NCOR2: variants seen among roughly 807,000 people sequenced by gnomAD.
The protein encoded by NCOR2 is nuclear receptor corepressor 2, also known as CTG repeat protein 26.
NCOR2 carries 81 observed loss-of-function variants against 262.9 expected under a neutral mutation model. That is an observed-to-expected ratio of 0.31 (90% CI 0.26 to 0.37). The LOEUF (loss-of-function observed/expected upper bound fraction) is 0.37. NCOR2 is among the 10% of genes least tolerant of loss of function. NCOR2 has a pLI of 1.00. For missense variants in NCOR2, 3,385 were observed against 3,621.4 expected, an observed-to-expected ratio of 0.93 and a Z score of 1.68; for synonymous variants, 1,659 against 1,559.3, an observed-to-expected ratio of 1.06 and a Z score of -1.51.
At chr12:124,390,484 C>G (rs1365719844) in intron 16 of NCOR2, among the ~76,000 whole-genome samples, 1 of 151,740 alleles carries the variant, frequency 6.6e-6, no homozygotes, top group Non-Finnish European at 1.5e-5. Context: ...AGTGACCCCC[C>G]CCCGTCGCCC....
chr12:124,439,216 C>CA (rs774850408), intron 7 of NCOR2, among the ~76,000 whole-genome samples: 7,375 of 116,706 alleles, frequency 0.063, no homozygotes, highest in Admixed American at 0.086. Context: ...CAGAGGGAGA[C>CA]AGAGACCCAG....
intron 16 of NCOR2, among the ~76,000 whole-genome samples, chr12:124,396,273 C>T (rs1403611822): frequency 6.6e-6 from 1 of 152,172 alleles, no homozygotes; most frequent in Non-Finnish European, 1.5e-5. Flanking sequence ...GGGTTGCACA[C>T]CAATGCAGAT....
intron 22 of NCOR2, among the ~76,000 whole-genome samples, chr12:124,360,175 A>G (rs1472747398): frequency 6.6e-6 from 1 of 152,194 alleles, no homozygotes; most frequent in Non-Finnish European, 1.5e-5. Flanking sequence ...CCTGACATGG[A>G]TACACAGCTC....
upstream of NCOR2, chr12:124,538,492 T>G (rs571112026): frequency 6.5e-6 from 1 of 153,108 alleles, no homozygotes; most frequent in South Asian, 2.1e-4. Context: ...AGAGGAGGGC[T>G]GGAGGCAGCA....
In NCOR2 at chr12:124,523,371, C is replaced by A. The variant is rs946750906; in HGVS notation, c.-118+12194G>T. On this transcript the variant is annotated intron_variant, in intron 1 of 46. Coordinates refer to the NCOR2 transcript ENST00000404621. This position sits in a 1 kb window ranked among gnomAD's most constrained non-coding sequence, Gnocchi z 4.0. Reference sequence around the variant, plus strand: ...TCTGGGGCTCCTGGGAACCCACACCCCGGTGGCAGGGGCAGCGGCAGAGGA... The same window carrying A: ...TCTGGGGCTCCTGGGAACCCACACCACGGTGGCAGGGGCAGCGGCAGAGGA... Among the ~76,000 whole-genome samples, 4 of 152,248 alleles carry A rather than the reference C, an allele frequency of 2.6e-5. No homozygotes were observed. Among genetic ancestry groups the A allele is most frequent in the Admixed American group, 2.6e-4 (4 of 15,296 alleles).
chr12:124,429,341 C>T (rs1386617770), intron 10 of NCOR2: 3 of 490,970 alleles, frequency 6.1e-6, no homozygotes, highest in Non-Finnish European at 1.1e-5. Flanking sequence ...CAACCCCCTC[C>T]CTGTTGTGGC....
chr12:124,345,037 T>G, intron 31 of NCOR2, 86 bp from the exon 34 acceptor site: 2 of 1,271,728 alleles, frequency 1.6e-6, no homozygotes, highest in Non-Finnish European at 2.1e-6. Context: ...TCAAAAAGTT[T>G]GTCATCTATA....
At chr12:124,551,583 C>T (rs1263599703) in intron 1 of NCOR2, among the ~76,000 whole-genome samples, 1 of 152,236 alleles carries the variant, frequency 6.6e-6, no homozygotes, top group African/African-American at 2.4e-5. Context: ...GGCCTGGTCT[C>T]CCTCTCTCCT....
intron 16 of NCOR2, among the ~76,000 whole-genome samples, chr12:124,386,784 C>T (rs968527809): frequency 2.0e-5 from 3 of 152,390 alleles, no homozygotes; most frequent in Non-Finnish European, 4.4e-5. Context: ...GCCAAGCCCC[C>T]GGTCTCGGCC....
At chr12:124,438,822 GAGAGGGAGACAGAGACCCAGAGAC>G (rs1307233673) in intron 7 of NCOR2, among the ~76,000 whole-genome samples, 697 of 2,334 alleles carry the variant, frequency 0.3, 22 homozygotes, top group African/African-American at 0.41. Context: ...GAGACCCAGA[GAGAGGGAGACAGAGACCCAGAGAC>G]AGAGGGAGAC....
In NCOR2 at chr12:124,325,496, C is replaced by A. The variant is rs780928167; in HGVS notation, c.7451G>T (p.Gly2484Val). The A allele has an allele frequency of 2.2e-6, 3 of 1,360,212 alleles. No individual in the cohort carries two copies. In the South Asian group the frequency reaches 5.6e-5, roughly 26 times the overall value. The allele number at this position is 1,360,212 out of a possible 1,614,324, so 84.3% of individuals were successfully genotyped here. ...GTGGGGGCCAGCGAGGGGCCCGCTGCCCGCGGGGAGGCCCGGTGGGGGTGG... is the reference window on the plus strand; with the variant it reads ...GTGGGGGCCAGCGAGGGGCCCGCTGACCGCGGGGAGGCCCGGTGGGGGTGG... The change falls in exon 47 of 47, where the codon GGC becomes GTC. Residue 2484 changes from glycine to valine, a missense_variant. By Grantham distance (109) the Gly-to-Val change is moderately radical (BLOSUM62 -3). Around this residue, in one of 5 missense-constraint regions of NCOR2, gnomAD observed 1,017 missense variants for 967.2 expected, o/e 1.05. Transcript: ENST00000405201.
intron 1 of NCOR2, among the ~76,000 whole-genome samples, chr12:124,505,942 G>C (rs2049014616): frequency 6.6e-6 from 1 of 152,068 alleles, no homozygotes; most frequent in Non-Finnish European, 1.5e-5. Context: ...CCTGCTTCCA[G>C]GGGAAAATAG....
chr12:124,367,500 G>A (rs2039132391), intron 20 of NCOR2, among the ~76,000 whole-genome samples: 1 of 152,188 alleles, frequency 6.6e-6, no homozygotes, highest in Non-Finnish European at 1.5e-5. Flanking sequence ...GGAGGAAGGT[G>A]GAAAACGCTC....
intron 7 of NCOR2, among the ~76,000 whole-genome samples, chr12:124,445,875 G>C (rs1406637178): frequency 6.6e-6 from 1 of 152,228 alleles, no homozygotes; most frequent in Non-Finnish European, 1.5e-5. Flanking sequence ...AAACCCAGTA[G>C]TATGTGCTGT....
chr12:124,379,158 G>A (rs1009941639), intron 17 of NCOR2, among the ~76,000 whole-genome samples: 8 of 152,288 alleles, frequency 5.3e-5, no homozygotes, highest in Non-Finnish European at 1.0e-4. Context: ...GCAGGTGCGG[G>A]GAGTCACAGG....
chr12:124,565,919 C>G (rs1042972455), intron 1 of NCOR2, among the ~76,000 whole-genome samples: 1 of 152,158 alleles, frequency 6.6e-6, no homozygotes, highest in Non-Finnish European at 1.5e-5. Flanking sequence ...TCCTCAGCAC[C>G]CCCAAAGAGG....
intron 3 of NCOR2, among the ~76,000 whole-genome samples, chr12:124,475,446 G>C (rs921582400): frequency 2.6e-5 from 4 of 152,210 alleles, no homozygotes; most frequent in Non-Finnish European, 5.9e-5. Context: ...GAGGCCACTG[G>C]GGCTGGATGC....
chr12:124,541,454 T>G (rs959287751), intron 1 of NCOR2, among the ~76,000 whole-genome samples: 2 of 3,420 alleles, frequency 5.8e-4, no homozygotes, highest in Admixed American at 3.8e-3. Flanking sequence ...GGATGGGGAG[T>G]GGAGAGCTGG....
In NCOR2 at chr12:124,521,470, A is replaced by G. The variant is rs1261220697; in HGVS notation, c.-118+14095T>C. ...GAAGGACTCACACCATTCAACACGG[A>G]TCAACCTCAAACACATTGTGCGGAG... On this transcript the variant is annotated intron_variant, in intron 1 of 46. Transcript: ENST00000404621. Among the ~76,000 whole-genome samples, 5 of 152,222 alleles carry G rather than the reference A, an allele frequency of 3.3e-5. No homozygotes were observed. In the East Asian group the frequency reaches 7.7e-4, roughly 23 times the overall value.
Sources: gnomAD v4.1 joint callset for allele counts (sites outside exome capture counted in the v4.1 genomes callset) on GRCh38, gnomAD v4.1.1 for gene constraint, gnomAD v4.1.1 regional missense constraint, Gnocchi (gnomAD v3.1) non-coding constraint, MANE v1.5 for transcripts, NCBI Gene and HGNC (gene_info 2026-07-23, HGNC 2026-07-21) for gene names.